Variants in XPA observed in about 807,000 individuals in gnomAD.
XPA encodes the protein XPA, DNA damage recognition and repair factor.
XPA carries 27 observed loss-of-function variants against 35.7 expected under a neutral mutation model. That is an observed-to-expected ratio of 0.76 (90% CI 0.56 to 1.04). The LOEUF is 1.04. Among genes scored for constraint, XPA ranks in the 50% least tolerant of loss-of-function variants. The pLI is 0.00. For missense variants in XPA, 354 were observed against 342.7 expected (o/e 1.03, Z -0.26); for synonymous variants, 133 against 118.4 (o/e 1.12, Z -0.80).
downstream of XPA, chr9:97,673,774 G>A (rs541211271): frequency 7.7e-4 from 118 of 152,284 alleles, no homozygotes; most frequent in Non-Finnish European, 2.2e-4. Context: ...ATTTATAACT[G>A]TACTTGAAAA....
At position 97,675,294 on chromosome 9, in the gene XPA, A is replaced by ATAAT; in HGVS notation, c.*141_*144dup. 1.0e-6 allele frequency: 1 copy of ATAAT among 964,126 alleles called. No homozygotes were observed. The allele number at this position is 964,126 out of a possible 1,614,324, so 59.7% of individuals were successfully genotyped here. Reference sequence around the variant, plus strand: ...AACTTGCTTTTAAGCCATAACATACATAATTATTACTGAAGTATTACTTAT... The same window carrying ATAAT: ...AACTTGCTTTTAAGCCATAACATACATAATTAATTATTACTGAAGTATTACTTAT... On this transcript the variant is annotated 3_prime_UTR_variant, in exon 6 of 6. Coordinates refer to ENST00000375128, the MANE Select transcript of XPA (RefSeq NM_000380.4).
At chr9:97,658,609 A>G in the XPA span, 1 of 1,519,056 alleles carries the variant, frequency 6.6e-7, no homozygotes, top group East Asian at 2.3e-5. Flanking sequence ...CTGATAAAAG[A>G]TATTTTCTGA....
At chr9:97,669,502 G>C in the XPA span, 2 of 804,570 alleles carry the variant, frequency 2.5e-6, no homozygotes, top group South Asian at 1.6e-5. Flanking sequence ...GGGTGGAACA[G>C]GCAATACTTT....
the XPA span, chr9:97,666,938 T>C: frequency 1.1e-5 from 13 of 1,211,074 alleles, no homozygotes; most frequent in Admixed American, 2.8e-4. Flanking sequence ...CTGGAGAGGA[T>C]TCAGAGTTCA....
the XPA span, among the ~76,000 whole-genome samples, chr9:97,654,401 T>C: frequency 9.2e-5 from 14 of 152,180 alleles, no homozygotes; most frequent in Admixed American, 9.2e-4. Flanking sequence ...CATCTTCTTA[T>C]TTTTTAAAGT....
At chr9:97,668,715 TG>T in the XPA span, 177,831 of 904,336 alleles carry the variant, frequency 0.2, 18,876 homozygotes, top group African/African-American at 0.26. Flanking sequence ...GGTGGCGGGG[TG>T]GGGGGGTACT....
In XPA at chr9:97,688,412, C is replaced by T. The variant is rs536852633; in HGVS notation, c.389+1122G>A. ...CTAAGAAAGCTCATGTGCTTGTATT[C>T]GGTCTACCTGGATAACCCAGGATAA... is the stretch of plus-strand genomic sequence containing the variant. On this transcript the variant is annotated intron_variant, in intron 3 of 5. Coordinates refer to ENST00000375128, the MANE Select transcript of XPA (RefSeq NM_000380.4). 9.8e-5 allele frequency among the ~76,000 whole-genome samples: 15 copies of T among 152,290 alleles called. No homozygotes were observed. The South Asian group carries it at 2.1e-3, about 21-fold the overall frequency.
the XPA span, among the ~76,000 whole-genome samples, chr9:97,660,149 C>T: frequency 6.6e-6 from 1 of 152,188 alleles, no homozygotes; most frequent in Non-Finnish European, 1.5e-5. Context: ...TTTTCTTCGC[C>T]TTCTTTTTTT....
downstream of XPA, among the ~76,000 whole-genome samples, chr9:97,670,365 A>G (rs573757178): frequency 1.7e-3 from 254 of 152,314 alleles, 2 homozygotes; most frequent in African/African-American, 5.8e-3. Context: ...CACAGAATCA[A>G]GGTAAGCTCC....
At chr9:97,689,982 A>G (rs1013991704) in intron 2 of XPA, among the ~76,000 whole-genome samples, 1 of 152,236 alleles carries the variant, frequency 6.6e-6, no homozygotes, top group African/African-American at 2.4e-5. Flanking sequence ...GTTTATTCTG[A>G]CATGGGTCTC....
the XPA span, among the ~76,000 whole-genome samples, chr9:97,659,481 G>A: frequency 6.6e-6 from 1 of 152,052 alleles, no homozygotes; most frequent in Non-Finnish European, 1.5e-5. Flanking sequence ...GAACTGTGTC[G>A]GTCCTGGTAC....
At chr9:97,683,135 G>T (rs1430251390) in intron 5 of XPA, among the ~76,000 whole-genome samples, 1 of 152,144 alleles carries the variant, frequency 6.6e-6, no homozygotes, top group Non-Finnish European at 1.5e-5. Context: ...CCTGGAAATG[G>T]TTTAAGGAGG....
At chr9:97,673,795 G>A (rs1828270092), downstream of XPA, 1 of 152,168 alleles carries the variant, frequency 6.6e-6, no homozygotes, top group Admixed American at 6.5e-5. Context: ...TGAAAGATGA[G>A]GAAGGGACCT....
chr9:97,683,826 C>T (rs1018541480), intron 5 of XPA, among the ~76,000 whole-genome samples: 3 of 150,098 alleles, frequency 2.0e-5, no homozygotes, highest in Non-Finnish European at 4.4e-5. Flanking sequence ...TTTGGTTTTG[C>T]TTTTTTGTTT....
At chr9:97,692,334 A>G (rs577918938) in intron 2 of XPA, among the ~76,000 whole-genome samples, 7 of 152,246 alleles carry the variant, frequency 4.6e-5, no homozygotes, top group African/African-American at 1.4e-4. Context: ...TATGTCATTA[A>G]TTGTTTGTTT....
Position 97,675,506 on chromosome 9 carries a change from A to G in XPA, c.755T>C (p.Leu252Pro). Reference sequence around the variant, plus strand: ...AGTCTTACGGTACATGTCATCTTCTAGGTTTTCTTCTGGTCCATACTCATG... The same window carrying G: ...AGTCTTACGGTACATGTCATCTTCTGGGTTTTCTTCTGGTCCATACTCATG... ...HQHEYGPEEN[L>P]EDDMYRKTCT... Residue 252 changes from leucine (L) to proline (P), a missense_variant, in exon 6 of 6, where the codon CTA becomes CCA. Coordinates refer to ENST00000375128, the MANE Select transcript of XPA (RefSeq NM_000380.4). The G allele has an allele frequency of 1.2e-6, 2 of 1,613,992 alleles. No individual in the cohort carries two copies. Among genetic ancestry groups the G allele is most frequent in the South Asian group, 2.2e-5 (2 of 91,076 alleles).
intron 5 of XPA, chr9:97,682,286 C>A: frequency 3.9e-6 from 2 of 518,800 alleles, no homozygotes; most frequent in South Asian, 2.8e-5. Flanking sequence ...TTCTTTTCAA[C>A]TAAAATACTT....
chr9:97,695,196 T>C (rs1829005571), intron 1 of XPA, among the ~76,000 whole-genome samples: 1 of 151,716 alleles, frequency 6.6e-6, no homozygotes, highest in Non-Finnish European at 1.5e-5. Flanking sequence ...GATGAGTACA[T>C]TTTACAGTAT....
the XPA span, chr9:97,668,738 A>G: frequency 2.4e-6 from 3 of 1,273,164 alleles, no homozygotes; most frequent in Non-Finnish European, 3.2e-6. Flanking sequence ...TCACTATAGA[A>G]TATAAGTCTT....
Sources: allele counts gnomAD v4.1 joint callset (sites outside exome capture counted in the v4.1 genomes callset), GRCh38; gene constraint gnomAD v4.1.1; transcripts MANE v1.5; gene names NCBI Gene and HGNC (gene_info 2026-07-23, HGNC 2026-07-21).